ERICH6B: variants seen among roughly 807,000 people sequenced by gnomAD.
The protein encoded by ERICH6B is glutamate-rich protein 6B.
Under a neutral mutation model 80.0 loss-of-function variants are expected in ERICH6B, and 69 were observed. The ratio of observed to expected loss-of-function variants is 0.86; its 90% confidence interval spans 0.71 to 1.05. The LOEUF (loss-of-function observed/expected upper bound fraction) is 1.05, where lower values mean the gene tolerates loss of function less well. Ranked by LOEUF, ERICH6B falls within the 50% of genes least tolerant of loss-of-function variation. ERICH6B has a pLI of 0.00. For synonymous variants in ERICH6B, 283 were observed against 291.9 expected, an observed-to-expected ratio of 0.97 and a Z score of 0.31; for missense variants, 754 against 796.1, an observed-to-expected ratio of 0.95 and a Z score of 0.64.
At chr13:45,569,080 T>C (rs1430174028) in intron 8 of ERICH6B, among the ~76,000 whole-genome samples, 2 of 152,194 alleles carry the variant, frequency 1.3e-5, no homozygotes, top group African/African-American at 2.4e-5. Flanking sequence ...ATCACTGTAT[T>C]GGGCAGTTCT....
At position 45,575,790 on chromosome 13, in the gene ERICH6B, G is replaced by A. The variant is rs1422890371; in HGVS notation, c.962-860C>T. Among the ~76,000 whole-genome samples the A allele has an allele frequency of 2.6e-5, 4 of 152,110 alleles. 1 individual carries two copies. Among genetic ancestry groups the A allele is most frequent in the Admixed American group, 2.6e-4 (4 of 15,268 alleles). ...GCCAGGAGAGTGGCTTAGAGCCTCC[G>A]GGGAGCCTGGGTGCAAGCTGAATTG... On this transcript the variant is annotated intron_variant, in intron 7 of 14. Coordinates refer to ENST00000298738, the MANE Select transcript of ERICH6B (RefSeq NM_182542.3).
chr13:45,597,027 G>T lies in ERICH6B; in HGVS notation c.-22C>A, dbSNP rs889161789. 2.0e-6 allele frequency: 3 copies of T among 1,520,252 alleles called. No homozygotes were observed. In the East Asian group the frequency reaches 7.4e-5, roughly 37 times the overall value. 94.2% of individuals were successfully genotyped at this position (1,520,252 alleles called of 1,614,324 possible). A position where few individuals can be genotyped will look rare whatever the true frequency, so the allele number is the denominator to read the frequency against. ...ACATGCTGGGGAAGTCGTAGGTGGTGAACTCCTTCTGCAGCAGCCAACGTC... is the reference window on the plus strand; with the variant it reads ...ACATGCTGGGGAAGTCGTAGGTGGTTAACTCCTTCTGCAGCAGCCAACGTC... On this transcript the variant is annotated 5_prime_UTR_variant, in exon 3 of 15. Coordinates refer to ENST00000298738, the MANE Select transcript of ERICH6B (RefSeq NM_182542.3).
chr13:45,557,989 T>C (rs971745694), intron 11 of ERICH6B, among the ~76,000 whole-genome samples: 1 of 152,104 alleles, frequency 6.6e-6, no homozygotes, highest in South Asian at 2.1e-4. Flanking sequence ...GGTATTTTGA[T>C]GGGAATTGCA....
At chr13:45,566,576 G>A (rs115597370) in intron 9 of ERICH6B, among the ~76,000 whole-genome samples, 67 of 152,382 alleles carry the variant, frequency 4.4e-4, no homozygotes, top group African/African-American at 1.6e-3. Flanking sequence ...TTCAGAGGGT[G>A]TAAACCCCAA....
intron 5 of ERICH6B, among the ~76,000 whole-genome samples, chr13:45,581,329 A>C (rs138584811): frequency 6.6e-6 from 1 of 152,218 alleles, no homozygotes; most frequent in Non-Finnish European, 1.5e-5. Context: ...ATGTGTGTAC[A>C]TGTGTGTGTA....
At chr13:45,577,571 C>T (rs1297958307) in intron 7 of ERICH6B, among the ~76,000 whole-genome samples, 2 of 152,192 alleles carry the variant, frequency 1.3e-5, no homozygotes, top group East Asian at 3.9e-4. Flanking sequence ...CAAATCTTAA[C>T]TCTTCCTTAT....
intron 6 of ERICH6B, among the ~76,000 whole-genome samples, chr13:45,580,304 C>T (rs750238376): frequency 7.6e-4 from 115 of 152,210 alleles, no homozygotes; most frequent in Non-Finnish European, 1.5e-3. Flanking sequence ...ATTGCATGAA[C>T]TAAGTATGGG....
chr13:45,545,043 C>T, intron 13 of ERICH6B, 58 bp from the exon 14 acceptor site: 1 of 1,310,322 alleles, frequency 7.6e-7, no homozygotes, highest in South Asian at 1.4e-5. Context: ...GCCTCTGCTC[C>T]TCCTCTTCTC....
chr13:45,611,862 A>G (rs1949901760), intron 1 of ERICH6B, among the ~76,000 whole-genome samples: 1 of 152,214 alleles, frequency 6.6e-6, no homozygotes, highest in Non-Finnish European at 1.5e-5. Flanking sequence ...TATACTTAGC[A>G]TGAATCGAAT....
At chr13:45,546,706 G>T (rs1376701583) in intron 13 of ERICH6B, among the ~76,000 whole-genome samples, 2 of 152,138 alleles carry the variant, frequency 1.3e-5, no homozygotes, top group African/African-American at 2.4e-5. Context: ...GACAAACCGG[G>T]TTTGTCTGCC....
At position 45,544,858 on chromosome 13, in the gene ERICH6B, C is replaced by T. The variant is rs1365845363; in HGVS notation, c.1774G>A (p.Glu592Lys). 9.7e-6 allele frequency: 15 copies of T among 1,551,692 alleles called. No individual in the cohort carries two copies. Among genetic ancestry groups the T allele is most frequent in the Non-Finnish European group, 1.3e-5 (15 of 1,146,994 alleles). The change falls in exon 14 of 15, where the codon GAG (glutamate) becomes AAG (lysine). Residue 592 changes from glutamate to lysine, a missense_variant. By Grantham distance (56) the Glu-to-Lys change is moderately conservative. Coordinates refer to ENST00000298738, the MANE Select transcript of ERICH6B (RefSeq NM_182542.3). ...PVQPISLKIN[E>K]YIQVQIRSQD... ...CTCCTTATTTGTACCTGGATGTACT[C>T]ATTGATTTTCAAGGAGATGGGCTGG...
In ERICH6B at chr13:45,544,992, C is replaced by T; in HGVS notation, c.1647-7G>A. ...GTTGGAGCTCAGGTTCAACCTGGACCAGGAGAAAGCATGTCAGGCAGCCAG... is the reference window on the plus strand; with the variant it reads ...GTTGGAGCTCAGGTTCAACCTGGACTAGGAGAAAGCATGTCAGGCAGCCAG... On this transcript the variant is annotated splice_polypyrimidine_tract_variant and splice_region_variant and intron_variant, in intron 13 of 14. Transcript: ENST00000298738. 6.5e-7 allele frequency: 1 copy of T among 1,548,544 alleles called. No individual in the cohort carries two copies. Among genetic ancestry groups the T allele is most frequent in the East Asian group, 2.4e-5 (1 of 40,884 alleles).
chr13:45,609,016 C>A (rs1426273208), intron 1 of ERICH6B, among the ~76,000 whole-genome samples: 1 of 152,212 alleles, frequency 6.6e-6, no homozygotes, highest in Admixed American at 6.5e-5. Flanking sequence ...CACAAAATGT[C>A]CTGAATCCGT....
Position 45,544,759 on chromosome 13 carries a change from C to T in ERICH6B, c.1872+1G>A. The T allele has an allele frequency of 6.4e-7, 1 of 1,551,604 alleles. No homozygotes were observed. The highest frequency in any genetic ancestry group is 8.7e-7 in the Non-Finnish European group (1 of 1,146,936). ...GAGGGTATGGGGAGTTGTGACCTTA[C>T]CTTGTACCTGGTGCCCAGGTTTAAA... On this transcript the variant is annotated splice_donor_variant, in intron 14 of 14. Coordinates refer to ENST00000298738, the MANE Select transcript of ERICH6B (RefSeq NM_182542.3). LOFTEE classifies it high-confidence loss of function.
chr13:45,604,096 C>A (rs1294290885), intron 2 of ERICH6B, among the ~76,000 whole-genome samples: 2 of 152,164 alleles, frequency 1.3e-5, no homozygotes, highest in Non-Finnish European at 2.9e-5. Flanking sequence ...GAGCCCAGGC[C>A]CAGACACATG....
intron 8 of ERICH6B, among the ~76,000 whole-genome samples, chr13:45,570,565 C>A (rs1875112129): frequency 6.6e-6 from 1 of 152,204 alleles, no homozygotes; most frequent in Non-Finnish European, 1.5e-5. Context: ...TTGGCTTGTA[C>A]CCCTCTGGTT....
intron 1 of ERICH6B, among the ~76,000 whole-genome samples, chr13:45,612,820 G>A (rs1038293343): frequency 1.3e-5 from 2 of 152,148 alleles, no homozygotes; most frequent in African/African-American, 4.8e-5. Flanking sequence ...GAGAGGAAGG[G>A]CATCTTTTAT....
At chr13:45,545,115 A>G in intron 13 of ERICH6B, 130 bp from the exon 14 acceptor site, 1 of 774,356 alleles carries the variant, frequency 1.3e-6, no homozygotes. Flanking sequence ...GGGTAGGAGA[A>G]GCTCCAACAT....
chr13:45,593,786 C>T (rs942857623), intron 3 of ERICH6B, among the ~76,000 whole-genome samples: 6 of 152,238 alleles, frequency 3.9e-5, no homozygotes, highest in Non-Finnish European at 8.8e-5. Flanking sequence ...GCTCACAGCA[C>T]TCTTTGCTGC....
Sources: allele counts gnomAD v4.1 joint callset (sites outside exome capture counted in the v4.1 genomes callset), GRCh38; gene constraint gnomAD v4.1.1; transcripts MANE v1.5; gene names NCBI Gene and HGNC (gene_info 2026-07-23, HGNC 2026-07-21).